Variants in BOC observed in about 807,000 individuals in gnomAD.
BOC encodes the protein BOC cell adhesion associated, oncogene regulated.
In BOC, 76 loss-of-function variants were observed where a neutral mutation model predicts 112.0. The observed-to-expected ratio is 0.68, with a 90% CI of 0.56 to 0.82. The LOEUF is 0.82. Ranked by LOEUF, BOC falls within the 40% of genes least tolerant of loss-of-function variation. The pLI is 0.00. For missense variants in BOC, 1,309 were observed against 1,511.7 expected (o/e 0.87, Z 2.22); for synonymous variants, 580 against 599.8 (o/e 0.97, Z 0.48).
chr3:113,239,304 C>A (rs115820094), intron 2 of BOC, among the ~76,000 whole-genome samples: 1 of 152,066 alleles, frequency 6.6e-6, no homozygotes, highest in Non-Finnish European at 1.5e-5. Flanking sequence ...AGAGTCCATA[C>A]AACTGATCAG....
chr3:113,266,095 C>T (rs1947447780), intron 4 of BOC, among the ~76,000 whole-genome samples: 1 of 152,254 alleles, frequency 6.6e-6, no homozygotes, highest in African/African-American at 2.4e-5. Context: ...CACTTACCCA[C>T]AGGAAGGAAT....
intron 2 of BOC, among the ~76,000 whole-genome samples, chr3:113,229,406 C>T (rs888430144): frequency 1.3e-5 from 2 of 152,168 alleles, no homozygotes; most frequent in Admixed American, 6.5e-5. Context: ...GAAAACATCC[C>T]ACCTCTGCTA....
intron 2 of BOC, among the ~76,000 whole-genome samples, chr3:113,248,734 C>T (rs142915790): frequency 1.1e-4 from 16 of 152,198 alleles, no homozygotes; most frequent in African/African-American, 3.6e-4. Context: ...CTTGTAAGGA[C>T]CATAGCTTAA....
chr3:113,282,029 G>C (rs1226779262), intron 15 of BOC, among the ~76,000 whole-genome samples: 1 of 152,224 alleles, frequency 6.6e-6, no homozygotes, highest in African/African-American at 2.4e-5. Context: ...TGGAAGGACC[G>C]AGTCTTAGGC....
intron 2 of BOC, among the ~76,000 whole-genome samples, chr3:113,238,880 T>A (rs1576376331): frequency 6.6e-6 from 1 of 152,224 alleles, no homozygotes; most frequent in Non-Finnish European, 1.5e-5. Flanking sequence ...CAGTTACCTT[T>A]TACTGTTTGG....
At position 113,250,684 on chromosome 3, in the gene BOC, A is replaced by G; in HGVS notation, c.227A>G (p.Asn76Ser). The change falls in exon 4 of 20, where the codon AAT becomes AGT. Residue 76 changes from asparagine to serine, a missense_variant. By Grantham distance (46) the Asn-to-Ser change is conservative. Coordinates refer to ENST00000682979, the MANE Select transcript of BOC (RefSeq NM_001378074.1). ...TGGCGCCTGAATGGAAAGGAGCTGA[A>G]TGGCTCGGATGATGCTCTGGGTGTC... is the stretch of plus-strand genomic sequence containing the variant. ...VTWRLNGKEL[N>S]GSDDALGVLI... 2 of 1,614,128 alleles carry G rather than the reference A, an allele frequency of 1.2e-6. No homozygotes were observed. Among genetic ancestry groups the G allele is most frequent in the Non-Finnish European group, 8.5e-7 (1 of 1,180,034 alleles).
chr3:113,249,100 G>T (rs969000179), intron 2 of BOC, among the ~76,000 whole-genome samples: 2 of 152,154 alleles, frequency 1.3e-5, no homozygotes, highest in Admixed American at 6.5e-5. Flanking sequence ...GGAGAGCAGG[G>T]TGATTGCAGG....
chr3:113,250,518 G>A (rs199851306), intron 3 of BOC, 37 bp from the exon 4 acceptor site: 7 of 1,558,296 alleles, frequency 4.5e-6, no homozygotes, highest in South Asian at 3.7e-5. Context: ...TTTCTTGGGG[G>A]CATCAGTTCA....
intron 9 of BOC, among the ~76,000 whole-genome samples, chr3:113,275,168 T>G (rs1268721388): frequency 1.3e-5 from 2 of 152,262 alleles, no homozygotes; most frequent in Non-Finnish European, 2.9e-5. Context: ...GTGTTTTCTC[T>G]GTAGGCTGTG....
intron 4 of BOC, among the ~76,000 whole-genome samples, chr3:113,254,376 C>G (rs959211624): frequency 1.3e-5 from 2 of 152,068 alleles, no homozygotes; most frequent in Non-Finnish European, 2.9e-5. Flanking sequence ...AACTGCAAAG[C>G]TTGGAGGAGG....
At chr3:113,220,136 C>T (rs1559799301) in intron 2 of BOC, among the ~76,000 whole-genome samples, 1 of 152,150 alleles carries the variant, frequency 6.6e-6, no homozygotes, top group South Asian at 2.1e-4. Context: ...CTTTGACAGA[C>T]AGGTAACTGA....
chr3:113,259,919 C>T (rs1160696662), intron 4 of BOC, among the ~76,000 whole-genome samples: 3 of 152,210 alleles, frequency 2.0e-5, no homozygotes, highest in East Asian at 1.9e-4. Context: ...TCTCCATCTC[C>T]GTCCTCAGAA....
chr3:113,262,179 G>A (rs1445349504), intron 4 of BOC, among the ~76,000 whole-genome samples: 1 of 152,192 alleles, frequency 6.6e-6, no homozygotes, highest in East Asian at 1.9e-4. Flanking sequence ...TATTTATCCA[G>A]TCTCCCTGCC....
In BOC at chr3:113,272,050, C is replaced by T. The variant is rs113273479; in HGVS notation, c.668-360C>T. 968 of 295,558 alleles carry T rather than the reference C, an allele frequency of 3.3e-3. 16 individuals carry two copies. In the East Asian group the frequency reaches 0.043, roughly 13 times the overall value. The allele number at this position is 295,558 out of a possible 1,614,324, so 18.3% of individuals were successfully genotyped here. A position where few individuals can be genotyped will look rare whatever the true frequency, so the allele number is the denominator to read the frequency against. On this transcript the variant is annotated intron_variant, in intron 6 of 19. Transcript: ENST00000682979. Reference sequence around the variant, plus strand: ...TCCCATCTCATCTTCAGCCTCACAGCGCACATACTGAGTGCAAGCAGAAAG... The same window carrying T: ...TCCCATCTCATCTTCAGCCTCACAGTGCACATACTGAGTGCAAGCAGAAAG...
chr3:113,280,958 T>A, intron 14 of BOC, 73 bp from the exon 15 acceptor site: 3 of 1,580,216 alleles, frequency 1.9e-6, no homozygotes, highest in Non-Finnish European at 1.7e-6. Context: ...CCCAGCTGAG[T>A]CTGACTATGA....
intron 2 of BOC, among the ~76,000 whole-genome samples, chr3:113,223,422 C>A (rs9859731): frequency 0.37 from 55,853 of 151,990 alleles, 10,509 homozygotes; most frequent in East Asian, 0.57. Context: ...TATATCTGTT[C>A]CCATTGATGA....
chr3:113,267,719 A>T (rs1404727786), intron 4 of BOC, among the ~76,000 whole-genome samples: 1 of 152,128 alleles, frequency 6.6e-6, no homozygotes, highest in African/African-American at 2.4e-5. Context: ...CCTAAGGAGA[A>T]CCTGGGAAGG....
chr3:113,261,408 T>A (rs148704710), intron 4 of BOC, among the ~76,000 whole-genome samples: 17 of 152,266 alleles, frequency 1.1e-4, no homozygotes, highest in African/African-American at 3.1e-4. Flanking sequence ...TTCAGTATAT[T>A]TTTTTTCTAA....
intron 4 of BOC, 64 bp from the exon 5 acceptor site, chr3:113,268,235 C>T (rs1947726305): frequency 1.9e-6 from 3 of 1,597,726 alleles, no homozygotes; most frequent in Non-Finnish European, 2.6e-6. Flanking sequence ...GGCACAAGCC[C>T]ACCCTGAAAT....
Sources: gnomAD v4.1 joint callset for allele counts (sites outside exome capture counted in the v4.1 genomes callset) on GRCh38, gnomAD v4.1.1 for gene constraint, MANE v1.5 for transcripts, NCBI Gene and HGNC (gene_info 2026-07-23, HGNC 2026-07-21) for gene names.